The following SRGAP2B variants were observed in gnomAD, a reference collection of about 807,000 sequenced individuals.
SRGAP2B encodes SLIT-ROBO Rho GTPase activating protein 2B, also known as SLIT-ROBO Rho GTPase-activating protein 2B.
In SRGAP2B, 9 loss-of-function variants were observed where a neutral mutation model predicts 22.2. The ratio of observed to expected loss-of-function variants is 0.41; its 90% CI spans 0.24 to 0.71. The LOEUF (loss-of-function observed/expected upper bound fraction) is 0.71, where lower values mean the gene tolerates loss of function less well. Among genes scored for constraint, SRGAP2B ranks in the 30% least tolerant of loss-of-function variants. The probability of loss-of-function intolerance (pLI) is 0.35; values close to 1 mark genes in which losing one functional copy is unlikely to be tolerated. For synonymous variants in SRGAP2B, 36 were observed against 87.4 expected, an observed-to-expected ratio of 0.41 and a Z score of 3.28; for missense variants, 114 against 235.8, an observed-to-expected ratio of 0.48 and a Z score of 3.38.
At chr1:145,015,293 G>A (rs1335728863) in intron 2 of SRGAP2B, among the ~76,000 whole-genome samples, 1 of 104,752 alleles carries the variant, frequency 9.5e-6, no homozygotes, top group Non-Finnish European at 1.9e-5. Flanking sequence ...TGGCCAGGTT[G>A]GTCTTGAACT....
chr1:144,966,827 A>G (rs372434567), intron 3 of SRGAP2B, among the ~76,000 whole-genome samples: 1 of 149,390 alleles, frequency 6.7e-6, no homozygotes, highest in African/African-American at 2.6e-5. Flanking sequence ...CAAAAAAAGG[A>G]AGGGGTTGCA....
chr1:144,941,644 C>T (rs1202043133), intron 4 of SRGAP2B, among the ~76,000 whole-genome samples: 7 of 148,868 alleles, frequency 4.7e-5, no homozygotes, highest in South Asian at 4.3e-4. Context: ...AAACTGAAGA[C>T]GCTGTGTCAA....
At chr1:145,008,910 G>A (rs1251201456) in intron 2 of SRGAP2B, among the ~76,000 whole-genome samples, 4 of 150,004 alleles carry the variant, frequency 2.7e-5, no homozygotes, top group East Asian at 3.9e-4. Flanking sequence ...GGTGGCTCAC[G>A]CCTATAATCC....
At chr1:144,933,287 C>T (rs1665348518) in intron 4 of SRGAP2B, among the ~76,000 whole-genome samples, 1 of 149,434 alleles carries the variant, frequency 6.7e-6, no homozygotes, top group Non-Finnish European at 1.5e-5. Context: ...GTAACTATTC[C>T]TTCCATCATC....
At chr1:144,986,783 AC>A (rs1553616053) in intron 3 of SRGAP2B, among the ~76,000 whole-genome samples, 2 of 147,846 alleles carry the variant, frequency 1.4e-5, no homozygotes. Context: ...TAAAGCCCGA[AC>A]CCTGTCGCCT....
intron 2 of SRGAP2B, among the ~76,000 whole-genome samples, chr1:145,035,753 GAA>G (rs1166790390): frequency 3.5e-5 from 4 of 112,926 alleles, no homozygotes; most frequent in African/African-American, 1.5e-4. Flanking sequence ...ACCTTTATAG[GAA>G]AAAAAAAAAG....
chr1:144,952,640 G>T (rs1226398416), intron 4 of SRGAP2B, among the ~76,000 whole-genome samples: 1 of 149,978 alleles, frequency 6.7e-6, no homozygotes, highest in Non-Finnish European at 1.5e-5. Flanking sequence ...CATGATTACA[G>T]CTCACTGCAT....
At chr1:144,924,511 C>T (rs1240633443) in intron 4 of SRGAP2B, among the ~76,000 whole-genome samples, 2 of 149,818 alleles carry the variant, frequency 1.3e-5, no homozygotes, top group South Asian at 2.1e-4. Flanking sequence ...GAGGCCGAGG[C>T]GGGCGGATCA....
rs1249302227 is a variant in SRGAP2B at position 145,039,467 on chromosome 1, C to G, written c.68-44267G>C. Among the ~76,000 whole-genome samples the G allele has an allele frequency of 9.6e-5, 14 of 146,214 alleles. 1 individual carries two copies. Among genetic ancestry groups the G allele is most frequent in the African/African-American group, 3.5e-4 (14 of 39,542 alleles). On this transcript the variant is annotated intron_variant, in intron 2 of 9. Coordinates refer to ENST00000612199, the Ensembl canonical transcript of SRGAP2B. The stretch of plus-strand genomic sequence containing the variant: ...TCCAGCCTGGGTGACAGGATGAGAC[C>G]CTGTCTCTTTTAAAAAAAAAAAAAA...
intron 3 of SRGAP2B, among the ~76,000 whole-genome samples, chr1:144,957,837 T>C (rs1667377858): frequency 6.8e-6 from 1 of 147,452 alleles, no homozygotes; most frequent in Non-Finnish European, 1.5e-5. Flanking sequence ...CTCGGCAAGA[T>C]ACCCATGTCC....
intron 4 of SRGAP2B, among the ~76,000 whole-genome samples, chr1:144,948,969 A>G (rs1323362274): frequency 1.0e-5 from 1 of 95,804 alleles, no homozygotes; most frequent in African/African-American, 4.8e-5. Context: ...AAGCTTTATG[A>G]ATATTCAGGT....
chr1:145,041,339 A>T (rs1649230248), intron 2 of SRGAP2B, among the ~76,000 whole-genome samples: 1 of 127,286 alleles, frequency 7.9e-6, no homozygotes, highest in Non-Finnish European at 1.6e-5. Flanking sequence ...AATACAAATG[A>T]GACCAAATAT....
chr1:145,089,620 C>T (rs1456165678), intron 2 of SRGAP2B, among the ~76,000 whole-genome samples: 12 of 143,902 alleles, frequency 8.3e-5, no homozygotes, highest in Non-Finnish European at 1.7e-4. Context: ...TGTTCACTGA[C>T]AGAAAAAGAA....
At chr1:144,940,683 A>G (rs1665962932) in intron 4 of SRGAP2B, among the ~76,000 whole-genome samples, 1 of 148,094 alleles carries the variant, frequency 6.8e-6, no homozygotes, top group Non-Finnish European at 1.5e-5. Flanking sequence ...CACGCCTGTA[A>G]TCCCGGCTAC....
chr1:145,080,645 G>C (rs199490449), intron 2 of SRGAP2B, among the ~76,000 whole-genome samples: 1 of 145,192 alleles, frequency 6.9e-6, no homozygotes, highest in Admixed American at 6.8e-5. Context: ...CCGCATCCCA[G>C]GTTCAAGCAA....
rs1451440456 is a variant in SRGAP2B at position 144,905,034 on chromosome 1, C to G, written c.831+57G>C. 9.8e-4 allele frequency: 706 copies of G among 717,976 alleles called. 9 individuals are homozygous for G. Among genetic ancestry groups the G allele is most frequent in the Non-Finnish European group, 1.4e-3 (552 of 384,928 alleles). 44.5% of individuals were successfully genotyped at this position (717,976 alleles called of 1,614,324 possible). The stretch of plus-strand genomic sequence containing the variant: ...AACAATAGTATCAGGGAATGTCTGA[C>G]GAGTATTCTGAAACCAGAAAAGAGG... On this transcript the variant is annotated intron_variant, in intron 7 of 9. Coordinates refer to ENST00000612199, the Ensembl canonical transcript of SRGAP2B.
At chr1:144,953,492 A>G (rs1199331332) in intron 4 of SRGAP2B, among the ~76,000 whole-genome samples, 1 of 151,348 alleles carries the variant, frequency 6.6e-6, no homozygotes, top group South Asian at 2.1e-4. Context: ...ATGAGAAATA[A>G]GTTCTTCCTC....
At chr1:144,992,944 G>A (rs587702542) in intron 3 of SRGAP2B, among the ~76,000 whole-genome samples, 3 of 151,746 alleles carry the variant, frequency 2.0e-5, no homozygotes, top group East Asian at 3.9e-4. Flanking sequence ...TGCCCTAAGA[G>A]AAGAACAAAT....
At chr1:144,911,845 TCCTGACCTCATGATCCG>T (rs1438221242) in intron 5 of SRGAP2B, among the ~76,000 whole-genome samples, 1 of 144,678 alleles carries the variant, frequency 6.9e-6, no homozygotes, top group Non-Finnish European at 1.5e-5. Context: ...GGTCTCGATC[TCCTGACCTCATGATCCG>T]CCCACCTCAG....
Sources: allele counts gnomAD v4.1 joint callset (sites outside exome capture counted in the v4.1 genomes callset), GRCh38; gene constraint gnomAD v4.1.1; transcripts MANE v1.5; gene names NCBI Gene and HGNC (gene_info 2026-07-23, HGNC 2026-07-21).